The following DOCK5 variants were observed in gnomAD, a reference collection of about 807,000 sequenced individuals.
The protein encoded by DOCK5 is dedicator of cytokinesis protein 5.
A neutral mutation model predicts 251.8 loss-of-function variants in DOCK5; 142 were observed. The ratio of observed to expected loss-of-function variants is 0.56; its 90% CI spans 0.49 to 0.65. DOCK5 has a LOEUF of 0.65. Among genes scored for constraint, DOCK5 ranks in the 30% least tolerant of loss-of-function variants. DOCK5 has a pLI of 0.00. For missense variants in DOCK5, 2,111 were observed against 2,312.3 expected (o/e 0.91, Z 1.79); for synonymous variants, 842 against 835.5 (o/e 1.01, Z -0.13).
At chr8:25,187,910 A>G (rs112739297) in intron 1 of DOCK5, among the ~76,000 whole-genome samples, 8 of 151,926 alleles carry the variant, frequency 5.3e-5, no homozygotes, top group African/African-American at 1.7e-4. Context: ...CAAATTTGCT[A>G]TTTGTCAGAC....
chr8:25,231,067 T>C (rs1486942210), intron 1 of DOCK5, among the ~76,000 whole-genome samples: 2 of 152,066 alleles, frequency 1.3e-5, no homozygotes, highest in Admixed American at 6.6e-5. Context: ...ATTTCCTCCT[T>C]TTTTTTCTGT....
intron 1 of DOCK5, among the ~76,000 whole-genome samples, chr8:25,214,118 G>A (rs1802169366): frequency 6.6e-6 from 1 of 152,096 alleles, no homozygotes; most frequent in African/African-American, 2.4e-5. Context: ...CCATCAGAAA[G>A]CAAAGGCATC....
chr8:25,326,354 A>G (rs1805563116), intron 18 of DOCK5, among the ~76,000 whole-genome samples: 1 of 152,196 alleles, frequency 6.6e-6, no homozygotes, highest in South Asian at 2.1e-4. Flanking sequence ...AAGTGTAGTT[A>G]TAGGGTAAAC....
intron 3 of DOCK5, among the ~76,000 whole-genome samples, chr8:25,270,015 A>C (rs1045316069): frequency 6.6e-6 from 1 of 152,196 alleles, no homozygotes; most frequent in Non-Finnish European, 1.5e-5. Flanking sequence ...CTGCTTCTGC[A>C]TTGTTGATGC....
At position 25,260,691 on chromosome 8, in the gene DOCK5, T is replaced by C. The variant is rs942793427; in HGVS notation, c.128-8154T>C. Among the ~76,000 whole-genome samples the C allele has an allele frequency of 8.5e-5, 13 of 152,326 alleles. No homozygotes were observed. The East Asian group carries it at 1.9e-3, about 23-fold the overall frequency. ...TTGAAGACAATGTCTGGCACACTGG[T>C]GTTCAATAAATGTTTTCATGTATAA... is the stretch of plus-strand genomic sequence containing the variant. On this transcript the variant is annotated intron_variant, in intron 2 of 51. Coordinates refer to ENST00000276440, the MANE Select transcript of DOCK5 (RefSeq NM_024940.8).
intron 3 of DOCK5, among the ~76,000 whole-genome samples, chr8:25,274,907 GTA>G (rs894348015): frequency 3.3e-5 from 5 of 152,148 alleles, no homozygotes; most frequent in African/African-American, 1.2e-4. Context: ...CCATACTTGA[GTA>G]TGTGTGGATT....
intron 1 of DOCK5, among the ~76,000 whole-genome samples, chr8:25,223,237 C>T (rs1367054014): frequency 6.6e-6 from 1 of 152,180 alleles, no homozygotes; most frequent in Non-Finnish European, 1.5e-5. Flanking sequence ...AACTCCTGGC[C>T]TCGAGTGATC....
chr8:25,321,711 A>C (rs1451704973), intron 16 of DOCK5, among the ~76,000 whole-genome samples: 1 of 152,114 alleles, frequency 6.6e-6, no homozygotes, highest in East Asian at 1.9e-4. Flanking sequence ...TCCGCCGCTT[A>C]CCTCCTGCTG....
chr8:25,406,173 T>C (rs532610479), intron 48 of DOCK5, among the ~76,000 whole-genome samples: 1 of 152,268 alleles, frequency 6.6e-6, no homozygotes, highest in East Asian at 1.9e-4. Context: ...TTAGCCAGGA[T>C]GGTGTCGATC....
intron 2 of DOCK5, among the ~76,000 whole-genome samples, chr8:25,246,601 A>G (rs529973261): frequency 1.2e-4 from 19 of 152,180 alleles, no homozygotes; most frequent in South Asian, 1.2e-3. Context: ...AAATCAGCAG[A>G]TGGATGCCCC....
chr8:25,202,011 T>C (rs1376170189), intron 1 of DOCK5, among the ~76,000 whole-genome samples: 1 of 152,032 alleles, frequency 6.6e-6, no homozygotes, highest in Non-Finnish European at 1.5e-5. Flanking sequence ...AAAACATATA[T>C]ATATATATTT....
At chr8:25,379,742 T>G (rs1009851089) in intron 38 of DOCK5, among the ~76,000 whole-genome samples, 1 of 152,178 alleles carries the variant, frequency 6.6e-6, no homozygotes, top group Non-Finnish European at 1.5e-5. Flanking sequence ...TATGTTCCTC[T>G]GCCGCAGCTC....
At chr8:25,256,988 C>A (rs1803437644) in intron 2 of DOCK5, among the ~76,000 whole-genome samples, 1 of 151,772 alleles carries the variant, frequency 6.6e-6, no homozygotes, top group South Asian at 2.1e-4. Context: ...GTCTTCATAT[C>A]AGGTACTATA....
At position 25,184,870 on chromosome 8, in the gene DOCK5, C is replaced by G; in HGVS notation, c.-39C>G. The G allele has an allele frequency of 1.5e-6, 2 of 1,340,080 alleles. No homozygotes were observed. Among genetic ancestry groups the G allele is most frequent in the Non-Finnish European group, 1.9e-6 (2 of 1,040,102 alleles). 83.0% of individuals were successfully genotyped at this position (1,340,080 alleles called of 1,614,324 possible). ...GCGGCCGGAGCCCGAGGAGCTGTAG[C>G]AGCCTTAGTCGCCGCCGCCGCGGGG... On this transcript the variant is annotated 5_prime_UTR_variant, in exon 1 of 52. Coordinates refer to ENST00000276440, the MANE Select transcript of DOCK5 (RefSeq NM_024940.8).
At position 25,193,314 on chromosome 8, in the gene DOCK5, A is replaced by G. The variant is rs530418538; in HGVS notation, c.43+8363A>G. On this transcript the variant is annotated intron_variant, in intron 1 of 51. Transcript: ENST00000276440. ...TAACATTGAGCCCATGGCAAAAAGC[A>G]CTGTAACTCATGCCTGAATGAAGAA... Among the ~76,000 whole-genome samples the G allele has an allele frequency of 1.6e-4, 24 of 151,744 alleles. No homozygotes were observed. In the South Asian group the frequency reaches 5.0e-3, roughly 32 times the overall value.
chr8:25,396,774 G>A (rs1428503374), intron 45 of DOCK5, among the ~76,000 whole-genome samples: 2 of 74,412 alleles, frequency 2.7e-5, no homozygotes, highest in Non-Finnish European at 6.3e-5. Context: ...GTGTGTGTGT[G>A]TGTGTGTGTG....
At chr8:25,275,342 G>A (rs1295619746) in intron 3 of DOCK5, 44 bp from the exon 4 acceptor site, 2 of 1,524,372 alleles carry the variant, frequency 1.3e-6, no homozygotes, top group Non-Finnish European at 1.8e-6. Flanking sequence ...TTTGGTTTTT[G>A]TTTTGTTTTT....
At chr8:25,314,265 C>T (rs1805178675) in intron 13 of DOCK5, among the ~76,000 whole-genome samples, 1 of 151,730 alleles carries the variant, frequency 6.6e-6, no homozygotes, top group Admixed American at 6.6e-5. Flanking sequence ...GCATGAGCCA[C>T]CACATCTGGC....
chr8:25,384,455 A>ATTTTTTTTT lies in DOCK5; in HGVS notation c.4131+1680_4131+1681insTTTTTTTTT, dbSNP rs1294643896. On this transcript the variant is annotated intron_variant, in intron 40 of 51. Coordinates refer to ENST00000276440, the MANE Select transcript of DOCK5 (RefSeq NM_024940.8). ...ATTTTATTTATTTATTTATTTATTT[A>ATTTTTTTTT]TTTATTTATTTTTTTTTTTTTTGAG... 8.2e-4 allele frequency among the ~76,000 whole-genome samples: 37 copies of ATTTTTTTTT among 45,174 alleles called. 1 individual carries two copies. Among genetic ancestry groups the ATTTTTTTTT allele is most frequent in the Non-Finnish European group, 1.4e-3 (31 of 22,314 alleles). 29.6% of individuals were successfully genotyped at this position (45,174 alleles called of 152,430 possible). A position where few individuals can be genotyped will look rare whatever the true frequency, so the allele number is the denominator to read the frequency against.
Sources: allele counts gnomAD v4.1 joint callset (sites outside exome capture counted in the v4.1 genomes callset), GRCh38; gene constraint gnomAD v4.1.1; transcripts MANE v1.5; gene names NCBI Gene and HGNC (gene_info 2026-07-23, HGNC 2026-07-21).